Variants in LYN observed in about 807,000 individuals in gnomAD.
LYN encodes tyrosine-protein kinase Lyn.
In LYN, 12 loss-of-function variants were observed where a neutral mutation model predicts 65.0. The ratio of observed to expected loss-of-function variants is 0.18; its 90% CI spans 0.12 to 0.30. The LOEUF is 0.30. LYN is among the 10% of genes least tolerant of loss of function. The pLI, the probability that LYN is intolerant of heterozygous loss-of-function variation, is 1.00. For synonymous variants in LYN, 222 were observed against 221.2 expected, an observed-to-expected ratio of 1.00 and a Z score of -0.03; for missense variants, 380 against 623.2, an observed-to-expected ratio of 0.61 and a Z score of 4.16.
chr8:56,000,979 C>T (rs1315828636), intron 12 of LYN, among the ~76,000 whole-genome samples: 1 of 152,112 alleles, frequency 6.6e-6, no homozygotes, highest in Non-Finnish European at 1.5e-5. Context: ...TTATCAAACA[C>T]ACAGCCATCC....
intron 1 of LYN, among the ~76,000 whole-genome samples, chr8:55,904,144 T>C (rs1805355993): frequency 1.3e-5 from 2 of 152,214 alleles, no homozygotes; most frequent in South Asian, 4.1e-4. Context: ...TTAAAAAAAA[T>C]AATAGCAGGA....
intron 12 of LYN, 67 bp from the exon 13 acceptor site, chr8:56,009,841 T>C: frequency 2.3e-6 from 3 of 1,313,228 alleles, no homozygotes; most frequent in Non-Finnish European, 2.2e-6. Flanking sequence ...ACCACTGCAG[T>C]GCTTGACCCT....
chr8:55,893,555 G>C (rs543375565), intron 1 of LYN: 1 of 152,250 alleles, frequency 6.6e-6, no homozygotes, highest in African/African-American at 2.4e-5. Flanking sequence ...TTTTGTTGGG[G>C]GTGACAGAGA....
At chr8:55,976,198 G>A (rs891145015) in intron 10 of LYN, among the ~76,000 whole-genome samples, 14 of 151,996 alleles carry the variant, frequency 9.2e-5, no homozygotes, top group African/African-American at 2.2e-4. Flanking sequence ...TTGGTGGTGC[G>A]TGCCTGTAAT....
chr8:55,907,909 T>C (rs923373472), intron 1 of LYN, among the ~76,000 whole-genome samples: 1 of 152,042 alleles, frequency 6.6e-6, no homozygotes, highest in African/African-American at 2.4e-5. Context: ...AAATACAAAT[T>C]TTTAAAAATG....
chr8:55,942,512 C>T (rs192229657), intron 2 of LYN, among the ~76,000 whole-genome samples: 15 of 150,374 alleles, frequency 1.0e-4, no homozygotes, highest in Middle Eastern at 3.5e-3. Context: ...AGAGGCTGGG[C>T]GCGGTGGCTC....
chr8:55,911,144 CGT>C (rs1312992781), intron 1 of LYN, among the ~76,000 whole-genome samples: 3 of 22,654 alleles, frequency 1.3e-4, no homozygotes, highest in Admixed American at 4.6e-4. Flanking sequence ...CATATATATA[CGT>C]GTATATATAT....
At chr8:55,975,159 C>G (rs1807719424) in intron 10 of LYN, among the ~76,000 whole-genome samples, 8 of 152,176 alleles carry the variant, frequency 5.3e-5, no homozygotes, top group Admixed American at 5.2e-4. Context: ...ATGTGATGGT[C>G]CCTGAGTGGG....
intron 1 of LYN, among the ~76,000 whole-genome samples, chr8:55,886,093 A>G (rs2130350882): frequency 6.6e-6 from 1 of 152,364 alleles, no homozygotes; most frequent in East Asian, 1.9e-4. Flanking sequence ...GGAAAGTGTT[A>G]TGAAACTCTT....
rs137928604 is a variant in LYN at position 55,978,114 on chromosome 8, T to A, written c.1050+8321T>A. 5.1e-3 allele frequency among the ~76,000 whole-genome samples: 775 copies of A among 152,292 alleles called. 5 individuals are homozygous for A. The highest frequency in any genetic ancestry group is 0.018 in the African/African-American group (733 of 41,570). On this transcript the variant is annotated intron_variant, in intron 10 of 12. Coordinates refer to ENST00000519728, the MANE Select transcript of LYN (RefSeq NM_002350.4). ...ACTTAAACCTCTCAACCAAGTGGCT[T>A]TCCTGGTGCTGTCCCTGAAGCAGGT...
In LYN at chr8:55,963,017, T is replaced by C. The variant is rs75962225; in HGVS notation, c.791-3698T>C. On this transcript the variant is annotated intron_variant, in intron 8 of 12. Transcript: ENST00000519728. Reference sequence around the variant, plus strand: ...TTACCACGGGGATGGCCCCAAGCCATTCATGAGGGATTCATTCCCATGACC... The same window carrying C: ...TTACCACGGGGATGGCCCCAAGCCACTCATGAGGGATTCATTCCCATGACC... Among the ~76,000 whole-genome samples the C allele has an allele frequency of 7.8e-3, 1,182 of 152,294 alleles. 8 individuals carry two copies. Among genetic ancestry groups the C allele is most frequent in the Admixed American group, 0.012 (181 of 15,300 alleles).
intron 1 of LYN, among the ~76,000 whole-genome samples, chr8:55,888,689 G>A (rs1804868998): frequency 6.6e-6 from 1 of 152,148 alleles, no homozygotes; most frequent in Non-Finnish European, 1.5e-5. Context: ...CCTCCCCTAA[G>A]TGACCTGGAG....
intron 10 of LYN, among the ~76,000 whole-genome samples, chr8:55,970,875 T>G (rs1294983567): frequency 6.6e-6 from 1 of 152,226 alleles, no homozygotes; most frequent in Non-Finnish European, 1.5e-5. Flanking sequence ...TATTCACCTG[T>G]AAAACAGAAT....
chr8:55,948,100 A>G (rs758084994), intron 4 of LYN, among the ~76,000 whole-genome samples: 3 of 152,124 alleles, frequency 2.0e-5, no homozygotes, highest in Non-Finnish European at 4.4e-5. Flanking sequence ...CAGCCTCCTG[A>G]GAAGCTAGGA....
chr8:55,959,540 C>A (rs962771236), intron 8 of LYN, among the ~76,000 whole-genome samples: 1 of 152,148 alleles, frequency 6.6e-6, no homozygotes, highest in Non-Finnish European at 1.5e-5. Flanking sequence ...AAAGGCTATA[C>A]AGCAGAGGAA....
At chr8:55,914,631 A>C (rs1480841470) in intron 1 of LYN, among the ~76,000 whole-genome samples, 3 of 152,138 alleles carry the variant, frequency 2.0e-5, no homozygotes, top group Non-Finnish European at 2.9e-5. Flanking sequence ...TTTGTTAGGA[A>C]TCCAGATAAC....
intron 8 of LYN, among the ~76,000 whole-genome samples, chr8:55,965,092 A>G (rs180945022): frequency 3.3e-5 from 5 of 152,202 alleles, no homozygotes; most frequent in Non-Finnish European, 7.4e-5. Flanking sequence ...AGGAAGGAAG[A>G]GTATGATTAT....
At position 55,966,893 on chromosome 8, in the gene LYN, C is replaced by T; in HGVS notation, c.969C>T (p.Ala323=). ...EPIYIITEYM[A]KGSLLDFLKS... ...TTTACATCATCACCGAGTACATGGC[C>T]AAGGGTGAGTTCCTCCCACTGCCCA... is the stretch of plus-strand genomic sequence containing the variant. The change falls in exon 9 of 13, where the codon GCC becomes GCT. Residue 323 remains alanine, a synonymous_variant. Coordinates refer to ENST00000519728, the MANE Select transcript of LYN (RefSeq NM_002350.4). The T allele has an allele frequency of 6.2e-7, 1 of 1,612,938 alleles. No individual in the cohort carries two copies. The highest frequency in any genetic ancestry group is 8.5e-7 in the Non-Finnish European group (1 of 1,179,514).
rs1456058995 is a variant in LYN at position 55,946,474 on chromosome 8, A to G, written c.159A>G (p.Gly53=). 11 of 1,610,620 alleles carry G rather than the reference A, an allele frequency of 6.8e-6. No individual in the cohort carries two copies. The highest frequency in any genetic ancestry group is 2.7e-5 in the African/African-American group (2 of 74,780). ...TTCCAGAATCTCAGCTTTTACCTGG[A>G]CAGAGGTTTCAAACTAAAGGTATGT... ...RPVPESQLLP[G]QRFQTKDPEE... Residue 53 remains glycine (G), a synonymous_variant, in exon 3 of 13, where the codon GGA becomes GGG. Coordinates refer to ENST00000519728, the MANE Select transcript of LYN (RefSeq NM_002350.4).
Sources: allele counts gnomAD v4.1 joint callset (sites outside exome capture counted in the v4.1 genomes callset), GRCh38; gene constraint gnomAD v4.1.1; transcripts MANE v1.5; gene names NCBI Gene and HGNC (gene_info 2026-07-23, HGNC 2026-07-21).